RETREG3: variants seen among roughly 807,000 people sequenced by gnomAD.
RETREG3 encodes the protein reticulophagy regulator family member 3.
A neutral mutation model predicts 50.2 loss-of-function variants in RETREG3; 23 were observed. The observed-to-expected ratio is 0.46, with a 90% confidence interval of 0.33 to 0.65. The LOEUF is 0.65. Ranked by LOEUF, RETREG3 falls within the 30% of genes least tolerant of loss-of-function variation. The pLI is 0.02. For synonymous variants in RETREG3, 240 were observed against 234.4 expected, an observed-to-expected ratio of 1.02 and a Z score of -0.22; for missense variants, 546 against 598.0, an observed-to-expected ratio of 0.91 and a Z score of 0.91.
intron 1 of RETREG3, among the ~76,000 whole-genome samples, chr17:42,598,127 G>A (rs1010070243): frequency 2.8e-4 from 42 of 151,444 alleles, no homozygotes; most frequent in African/African-American, 9.5e-4. Flanking sequence ...GACTACAGGC[G>A]CCCGCCACCA....
At position 42,581,048 on chromosome 17, in the gene RETREG3, A is replaced by AAAAAAG. The variant is rs3067882; in HGVS notation, c.*764_*765insCTTTTT. Reference sequence around the variant, plus strand: ...AGAGAGACTCTGTCTCAAAAAAAAAAAAAAGAAAAGAAAAGAAAAGAAAAA... The same window carrying AAAAAAG: ...AGAGAGACTCTGTCTCAAAAAAAAAAAAAAAGAAAAGAAAAGAAAAGAAAAGAAAAA... On this transcript the variant is annotated 3_prime_UTR_variant, in exon 9 of 9. Transcript: ENST00000309428. 96,831 of 118,298 alleles carry AAAAAAG rather than the reference A, an allele frequency of 0.82. 41,725 individuals carry two copies. Among genetic ancestry groups the AAAAAAG allele is most frequent in the East Asian group, 0.98 (4,059 of 4,148 alleles). The allele number at this position is 118,298 out of a possible 1,614,324, so 7.3% of individuals were successfully genotyped here. A position where few individuals can be genotyped will look rare whatever the true frequency, so the allele number is the denominator to read the frequency against.
At chr17:42,588,518 ACGCC>A (rs2093125802) in intron 2 of RETREG3, among the ~76,000 whole-genome samples, 1 of 151,344 alleles carries the variant, frequency 6.6e-6, no homozygotes. Context: ...TTACAGGCAC[ACGCC>A]ACCATACCTG....
chr17:42,596,894 TA>T (rs2093146291), intron 1 of RETREG3, among the ~76,000 whole-genome samples: 1 of 146,786 alleles, frequency 6.8e-6, no homozygotes. Context: ...TTTTTTGAGA[TA>T]AGAGTCTGGC....
intron 2 of RETREG3, among the ~76,000 whole-genome samples, chr17:42,590,985 A>C (rs1334318588): frequency 6.6e-6 from 1 of 152,108 alleles, no homozygotes; most frequent in Non-Finnish European, 1.5e-5. Context: ...AGAAAAGAAA[A>C]GAAACCAACA....
chr17:42,607,482 A>G (rs1282009752), intron 1 of RETREG3, among the ~76,000 whole-genome samples: 1 of 138,532 alleles, frequency 7.2e-6, no homozygotes, highest in Non-Finnish European at 1.5e-5. Flanking sequence ...CCTGGGTGAT[A>G]GAGCAAGACC....
chr17:42,599,210 AT>A (rs1208472346), intron 1 of RETREG3: 2 of 152,234 alleles, frequency 1.3e-5, no homozygotes, highest in Non-Finnish European at 2.9e-5. Flanking sequence ...GCCTTGTTAA[AT>A]GTGCTTGTTT....
In RETREG3 at chr17:42,586,895, T is replaced by C. The variant is rs776997508; in HGVS notation, c.378-4A>G. ...CCGAGGGTGCACAAAGCCCCAGCTA[T>C]GGGAGAGAGAAGGGGGAGCTGTGAA... On this transcript the variant is annotated splice_polypyrimidine_tract_variant and splice_region_variant and intron_variant, in intron 3 of 8. Coordinates refer to ENST00000309428, the MANE Select transcript of RETREG3 (RefSeq NM_178126.4). 1.7e-5 allele frequency: 28 copies of C among 1,613,460 alleles called. No homozygotes were observed. Among genetic ancestry groups the C allele is most frequent in the Non-Finnish European group, 2.2e-5 (26 of 1,179,812 alleles).
Position 42,609,269 on chromosome 17 carries a change from A to G in RETREG3, c.56T>C (p.Phe19Ser). Reference protein sequence around the residue: ...TTPGPASGSTFRGRRDVSGSW... With the variant: ...TTPGPASGSTSRGRRDVSGSW... Reference sequence around the variant, plus strand: ...GCCTGACACATCTCGGCGGCCCCTGAAAGTCGACCCCGAAGCCGGGCCTGG... The same window carrying G: ...GCCTGACACATCTCGGCGGCCCCTGGAAGTCGACCCCGAAGCCGGGCCTGG... The change falls in exon 1 of 9, where the codon TTC (phenylalanine) becomes TCC (serine). Residue 19 changes from phenylalanine to serine, a missense_variant. Phe to Ser is a radical substitution (Grantham distance 155, BLOSUM62 -2). Coordinates refer to ENST00000309428, the MANE Select transcript of RETREG3 (RefSeq NM_178126.4). 6.2e-7 allele frequency: 1 copy of G among 1,605,378 alleles called. No homozygotes were observed. Among genetic ancestry groups the G allele is most frequent in the Non-Finnish European group, 8.5e-7 (1 of 1,179,754 alleles).
Position 42,586,143 on chromosome 17 carries a change from G to C in RETREG3, c.505-6C>G. Reference sequence around the variant, plus strand: ...CCACAGCTCAGCAAGCAGAACTGGGGAATCAAGAAAGAGTATTAAGTTTCT... The same window carrying C: ...CCACAGCTCAGCAAGCAGAACTGGGCAATCAAGAAAGAGTATTAAGTTTCT... On this transcript the variant is annotated splice_region_variant and splice_polypyrimidine_tract_variant and intron_variant, in intron 4 of 8. Transcript: ENST00000309428. 1 of 1,613,832 alleles carries C rather than the reference G, an allele frequency of 6.2e-7. No individual in the cohort carries two copies. The highest frequency in any genetic ancestry group is 8.5e-7 in the Non-Finnish European group (1 of 1,179,902).
chr17:42,586,629 A>G (rs2093121836), intron 4 of RETREG3, 136 bp downstream of exon 4: 1 of 1,291,942 alleles, frequency 7.7e-7, no homozygotes, highest in Admixed American at 2.5e-5. Flanking sequence ...GGCCTTTCCT[A>G]TAGCTTCCTT....
rs1262285246 is a variant in RETREG3, at chr17:42,609,083, C to T, written c.239+3G>A. On this transcript the variant is annotated splice_donor_region_variant and intron_variant, in intron 1 of 8. Coordinates refer to ENST00000309428, the MANE Select transcript of RETREG3 (RefSeq NM_178126.4). ...AGGGTTTCCGAGGGTCCAGTTCTCTCACCAGAAAGCCGCGTTCAGCCCCAG... is the reference window on the plus strand; with the variant it reads ...AGGGTTTCCGAGGGTCCAGTTCTCTTACCAGAAAGCCGCGTTCAGCCCCAG... 1.9e-6 allele frequency: 3 copies of T among 1,604,344 alleles called. No homozygotes were observed. Among genetic ancestry groups the T allele is most frequent in the African/African-American group, 1.3e-5 (1 of 74,914 alleles).
chr17:42,605,076 C>A (rs571395763), intron 1 of RETREG3, among the ~76,000 whole-genome samples: 1 of 149,266 alleles, frequency 6.7e-6, no homozygotes, highest in African/African-American at 2.5e-5. Flanking sequence ...ACCATAAATT[C>A]TCTGGTACCT....
intron 1 of RETREG3, among the ~76,000 whole-genome samples, chr17:42,594,092 G>C (rs942980403): frequency 1.3e-5 from 2 of 152,224 alleles, no homozygotes; most frequent in African/African-American, 4.8e-5. Context: ...CTGGGGGACT[G>C]CGTCACAAGA....
chr17:42,588,240 C>T (rs1008645207), intron 2 of RETREG3, among the ~76,000 whole-genome samples: 6 of 152,166 alleles, frequency 3.9e-5, no homozygotes, highest in Admixed American at 1.3e-4. Flanking sequence ...AACTCCAACC[C>T]TAGAAATCCA....
At chr17:42,592,234 A>G (rs1024673753) in intron 1 of RETREG3, 72 bp from the exon 2 acceptor site, 60 of 1,250,242 alleles carry the variant, frequency 4.8e-5, no homozygotes, top group Non-Finnish European at 6.9e-5. Flanking sequence ...CCACGTGTGT[A>G]CGATGGGCTC....
rs2093108617 is a variant in RETREG3, at chr17:42,581,538, C to A, written c.*275G>T. On this transcript the variant is annotated 3_prime_UTR_variant, in exon 9 of 9. Transcript: ENST00000309428. The stretch of plus-strand genomic sequence containing the variant: ...CTCAAAGGGGAACCAATATCCCTGA[C>A]TATTTTGTTCCCCCAAAGTACCATC... 2 of 383,018 alleles carry A rather than the reference C, an allele frequency of 5.2e-6. No homozygotes were observed. The highest frequency in any genetic ancestry group is 4.1e-5 in the African/African-American group (2 of 48,476). 23.7% of individuals were successfully genotyped at this position (383,018 alleles called of 1,614,324 possible).
chr17:42,585,034 T>A, intron 6 of RETREG3, 91 bp downstream of exon 6: 1 of 1,512,976 alleles, frequency 6.6e-7, no homozygotes, highest in Non-Finnish European at 8.9e-7. Context: ...CGACTTCCAC[T>A]TTTGAGGACC....
chr17:42,606,497 AG>A (rs1466776914), intron 1 of RETREG3, among the ~76,000 whole-genome samples: 1 of 152,070 alleles, frequency 6.6e-6, no homozygotes, highest in Non-Finnish European at 1.5e-5. Flanking sequence ...GCTACTCGGG[AG>A]ACTGAGTCAG....
Position 42,585,148 on chromosome 17 carries a change from A to T in RETREG3, c.704T>A (p.Met235Lys). The T allele has an allele frequency of 1.9e-6, 3 of 1,613,558 alleles. No homozygotes were observed. Among genetic ancestry groups the T allele is most frequent in the Non-Finnish European group, 2.5e-6 (3 of 1,180,024 alleles). Residue 235 changes from methionine (M) to lysine (K), a missense_variant, in exon 6 of 9, where the codon ATG (methionine) becomes AAG (lysine). By Grantham distance (95) the Met-to-Lys change is moderately conservative (BLOSUM62 -1). Coordinates refer to ENST00000309428, the MANE Select transcript of RETREG3 (RefSeq NM_178126.4). ...RLDFSVRGYM[M>K]SKQRERQLRR... ...ACATTGTCTCTCTCTCTGCTTGGAC[A>T]TCATGTAGCCACGGACACTGAAGTC... is the stretch of plus-strand genomic sequence containing the variant.
Sources: gnomAD v4.1 joint callset for allele counts (sites outside exome capture counted in the v4.1 genomes callset) on GRCh38, gnomAD v4.1.1 for gene constraint, MANE v1.5 for transcripts, NCBI Gene and HGNC (gene_info 2026-07-23, HGNC 2026-07-21) for gene names.